Variants in ASAP1 observed in about 807,000 individuals in gnomAD.
ASAP1 encodes ArfGAP with SH3 domain, ankyrin repeat and PH domain 1, also known as arf-GAP with SH3 domain, ANK repeat and PH domain-containing protein 1.
Under a neutral mutation model 145.2 loss-of-function variants are expected in ASAP1, and 43 were observed. That is an observed-to-expected ratio of 0.30 (90% CI 0.23 to 0.38). The LOEUF (loss-of-function observed/expected upper bound fraction) is 0.38, where lower values mean the gene tolerates loss of function less well. Among genes scored for constraint, ASAP1 ranks in the 10% least tolerant of loss-of-function variants. The pLI is 1.00. For synonymous variants in ASAP1, 546 were observed against 515.5 expected (o/e 1.06, Z -0.80); for missense variants, 1,018 against 1,355.3 (o/e 0.75, Z 3.91).
At position 130,116,652 on chromosome 8, in the gene ASAP1, A is replaced by T. The variant is rs202034226; in HGVS notation, c.2064+26T>A. On this transcript the variant is annotated intron_variant, in intron 22 of 29. Coordinates refer to ENST00000518721, the MANE Select transcript of ASAP1 (RefSeq NM_018482.4). ...CTTTTAAGGCAGCCAATGTCTAATA[A>T]ATCTCCCACGTCCATTTTTGCTTAC... 6.7e-5 allele frequency: 108 copies of T among 1,604,582 alleles called. 1 individual carries two copies. The South Asian group carries it at 1.1e-3, about 17-fold the overall frequency.
At chr8:130,327,793 T>C (rs1288822240) in intron 3 of ASAP1, among the ~76,000 whole-genome samples, 6 of 152,142 alleles carry the variant, frequency 3.9e-5, no homozygotes, top group African/African-American at 1.2e-4. Flanking sequence ...GGACTTCCTT[T>C]TGCATGATAA....
At chr8:130,173,437 C>T (rs1441263008) in intron 9 of ASAP1, among the ~76,000 whole-genome samples, 2 of 152,094 alleles carry the variant, frequency 1.3e-5, no homozygotes, top group East Asian at 3.9e-4. Context: ...CCTCCTTTCT[C>T]TCTTCTCTCT....
intron 5 of ASAP1, among the ~76,000 whole-genome samples, chr8:130,205,393 A>C (rs536415299): frequency 3.4e-4 from 52 of 151,684 alleles, no homozygotes; most frequent in South Asian, 1.9e-3. Flanking sequence ...AAAAAAAAAA[A>C]AAAAAAACAA....
chr8:130,181,060 G>GT (rs1466416906), intron 7 of ASAP1, among the ~76,000 whole-genome samples, 180 bp from the exon 8 acceptor site: 1 of 149,900 alleles, frequency 6.7e-6, no homozygotes. Context: ...CTGTGCATGT[G>GT]TGGGGGGAGG....
At chr8:130,152,831 G>C (rs373067358) in intron 12 of ASAP1, 26 bp from the exon 13 acceptor site, 1 of 1,545,288 alleles carries the variant, frequency 6.5e-7, no homozygotes, top group South Asian at 1.1e-5. Context: ...AACACAACTA[G>C]ATATAGTAAC....
At chr8:130,092,485 G>A (rs907219415) in intron 24 of ASAP1, among the ~76,000 whole-genome samples, 1 of 152,118 alleles carries the variant, frequency 6.6e-6, no homozygotes, top group African/African-American at 2.4e-5. Flanking sequence ...AAATTAGCCA[G>A]GTGTGGTGGT....
At chr8:130,220,178 A>G (rs1817205759) in intron 4 of ASAP1, among the ~76,000 whole-genome samples, 1 of 152,138 alleles carries the variant, frequency 6.6e-6, no homozygotes, top group African/African-American at 2.4e-5. Flanking sequence ...AGTTTTAAAA[A>G]CTAGACCAGA....
At chr8:130,184,800 C>T (rs1814607467) in intron 7 of ASAP1, among the ~76,000 whole-genome samples, 1 of 152,210 alleles carries the variant, frequency 6.6e-6, no homozygotes, top group South Asian at 2.1e-4. Context: ...TATTGTGTGA[C>T]TTCCCTATGC....
intron 1 of ASAP1, among the ~76,000 whole-genome samples, chr8:130,414,978 G>A (rs7816836): frequency 0.28 from 42,861 of 152,088 alleles, 6,253 homozygotes; most frequent in Non-Finnish European, 0.32. Context: ...GGCTAGTCAC[G>A]AACTCCTGAC....
chr8:130,407,850 T>G (rs957552241), intron 1 of ASAP1, among the ~76,000 whole-genome samples: 2 of 152,234 alleles, frequency 1.3e-5, no homozygotes, highest in African/African-American at 4.8e-5. Flanking sequence ...TGTATCCTTT[T>G]ATAGAGGATG....
At chr8:130,152,634 ACCC>A (rs2097648979) in intron 13 of ASAP1, 99 bp downstream of exon 13, 1 of 708,564 alleles carries the variant, frequency 1.4e-6, no homozygotes, top group South Asian at 2.7e-5. Context: ...AAATGATCTG[ACCC>A]AAATGCATAA....
At chr8:130,435,813 C>T (rs900709195) in intron 1 of ASAP1, among the ~76,000 whole-genome samples, 2 of 152,160 alleles carry the variant, frequency 1.3e-5, no homozygotes, top group Admixed American at 6.5e-5. Context: ...AAAAGGCTTC[C>T]GTGCAGATTT....
At chr8:130,152,714 G>C (rs1317568727) in intron 13 of ASAP1, 22 bp downstream of exon 13, 3 of 1,586,738 alleles carry the variant, frequency 1.9e-6, no homozygotes, top group Middle Eastern at 1.7e-4. Context: ...ATGAGGCAGG[G>C]TAAATTAAGA....
intron 9 of ASAP1, among the ~76,000 whole-genome samples, chr8:130,170,515 A>G (rs919934912): frequency 2.0e-5 from 3 of 152,196 alleles, no homozygotes; most frequent in Non-Finnish European, 4.4e-5. Flanking sequence ...TTCAGTGGCA[A>G]TAACACAGGC....
chr8:130,209,119 T>C (rs1430382650), intron 5 of ASAP1, among the ~76,000 whole-genome samples: 1 of 152,228 alleles, frequency 6.6e-6, no homozygotes, highest in African/African-American at 2.4e-5. Flanking sequence ...AGCCTATTAA[T>C]ACTATAATAA....
chr8:130,119,883 TCTTC>T (rs1000280112), intron 18 of ASAP1, among the ~76,000 whole-genome samples: 1 of 152,198 alleles, frequency 6.6e-6, no homozygotes, highest in African/African-American at 2.4e-5. Flanking sequence ...AGAAGTGTTT[TCTTC>T]CTTCTGAGAG....
intron 3 of ASAP1, among the ~76,000 whole-genome samples, chr8:130,294,400 T>C (rs1318728302): frequency 2.6e-5 from 4 of 152,234 alleles, no homozygotes; most frequent in African/African-American, 9.6e-5. Context: ...ACTCTGGCCA[T>C]TCAACATATA....
chr8:130,137,103 C>T (rs1483245996), intron 13 of ASAP1, 65 bp from the exon 14 acceptor site: 2 of 1,338,578 alleles, frequency 1.5e-6, no homozygotes, highest in African/African-American at 1.4e-5. Flanking sequence ...AGGTTCAGTG[C>T]CCTGTAGGGC....
At chr8:130,090,343 T>G (rs975874905) in intron 25 of ASAP1, among the ~76,000 whole-genome samples, 4 of 152,232 alleles carry the variant, frequency 2.6e-5, no homozygotes, top group African/African-American at 9.6e-5. Context: ...GAAACGCTGA[T>G]GTGAAACTTG....
Sources: allele counts gnomAD v4.1 joint callset (sites outside exome capture counted in the v4.1 genomes callset), GRCh38; gene constraint gnomAD v4.1.1; transcripts MANE v1.5; gene names NCBI Gene and HGNC (gene_info 2026-07-23, HGNC 2026-07-21).